The following MLLT10 variants were observed in gnomAD, a reference collection of about 807,000 sequenced individuals.
MLLT10 encodes the protein protein AF-10.
MLLT10 carries 30 observed loss-of-function variants against 129.1 expected under a neutral mutation model. The observed-to-expected ratio is 0.23, with a 90% CI of 0.17 to 0.32. The LOEUF (loss-of-function observed/expected upper bound fraction) is 0.32, where lower values mean the gene tolerates loss of function less well. Ranked by LOEUF, MLLT10 falls within the 10% of genes least tolerant of loss-of-function variation. MLLT10 has a pLI of 1.00. For synonymous variants in MLLT10, 490 were observed against 446.4 expected (o/e 1.10, Z -1.23); for missense variants, 1,119 against 1,268.3 (o/e 0.88, Z 1.79).
intron 3 of MLLT10, among the ~76,000 whole-genome samples, chr10:21,575,294 C>T (rs762423068): frequency 7.9e-5 from 12 of 152,016 alleles, no homozygotes; most frequent in Admixed American, 1.3e-4. Flanking sequence ...CGGGTTCAAG[C>T]GATTCTCCTG....
At chr10:21,685,130 A>G (rs1405021148) in intron 13 of MLLT10, among the ~76,000 whole-genome samples, 1 of 152,036 alleles carries the variant, frequency 6.6e-6, no homozygotes, top group Non-Finnish European at 1.5e-5. Flanking sequence ...TTTGTGAAAT[A>G]TATCTTAGTC....
At chr10:21,580,537 C>T (rs938998167) in intron 3 of MLLT10, among the ~76,000 whole-genome samples, 10 of 151,796 alleles carry the variant, frequency 6.6e-5, no homozygotes, top group Admixed American at 2.0e-4. Flanking sequence ...TACAGGCGCC[C>T]GCCACCACGC....
chr10:21,633,253 C>G (rs2047162951), intron 8 of MLLT10, among the ~76,000 whole-genome samples: 1 of 152,178 alleles, frequency 6.6e-6, no homozygotes, highest in South Asian at 2.1e-4. Context: ...TAACTGAAAA[C>G]CTGGTTGTTT....
At chr10:21,737,803 G>T (rs147997393) in intron 21 of MLLT10, among the ~76,000 whole-genome samples, 1 of 152,242 alleles carries the variant, frequency 6.6e-6, no homozygotes, top group East Asian at 1.9e-4. Flanking sequence ...GCTGCTTGGA[G>T]AATGCATTGC....
intron 13 of MLLT10, among the ~76,000 whole-genome samples, chr10:21,706,744 A>G (rs1240026046): frequency 6.6e-6 from 1 of 152,124 alleles, no homozygotes; most frequent in Non-Finnish European, 1.5e-5. Context: ...TTATTTACCA[A>G]TCTTGTGTAA....
intron 5 of MLLT10, among the ~76,000 whole-genome samples, chr10:21,600,034 T>C (rs571456695): frequency 1.6e-4 from 25 of 152,350 alleles, no homozygotes; most frequent in African/African-American, 5.5e-4. Context: ...AGTCAACTTT[T>C]TCAACACTAT....
chr10:21,601,990 A>C (rs1438940584), intron 5 of MLLT10, among the ~76,000 whole-genome samples: 1 of 152,236 alleles, frequency 6.6e-6, no homozygotes, highest in Non-Finnish European at 1.5e-5. Context: ...GCTGGGCAAC[A>C]TGGTATTAAA....
chr10:21,587,351 C>T (rs944775425), intron 4 of MLLT10, among the ~76,000 whole-genome samples: 2 of 144,534 alleles, frequency 1.4e-5, no homozygotes, highest in African/African-American at 2.6e-5. Flanking sequence ...TCTGGGAGGT[C>T]GAGGCTGCAA....
chr10:21,566,500 A>G (rs766274650), intron 3 of MLLT10, among the ~76,000 whole-genome samples: 19 of 145,832 alleles, frequency 1.3e-4, no homozygotes, highest in Non-Finnish European at 2.9e-4. Flanking sequence ...GCTAATTTTT[A>G]TATTTTTAGT....
intron 13 of MLLT10, among the ~76,000 whole-genome samples, chr10:21,701,882 C>T (rs1212723639): frequency 1.3e-5 from 2 of 151,944 alleles, no homozygotes; most frequent in South Asian, 2.1e-4. Context: ...AGCCACCGCA[C>T]CTGGTTATGT....
Position 21,726,436 on chromosome 10 carries a change from G to A in MLLT10, c.1990+81G>A. ...TTTCCCCTTTTGGTTCATTTTATTT[G>A]AAAACATGCAGGGATGTGGTTAGTA... On this transcript the variant is annotated intron_variant, in intron 15 of 22. Coordinates refer to ENST00000307729, the MANE Select transcript of MLLT10 (RefSeq NM_001195626.3). 8 of 956,094 alleles carry A rather than the reference G, an allele frequency of 8.4e-6. No homozygotes were observed. The South Asian group carries it at 1.2e-4, about 15-fold the overall frequency. The allele number at this position is 956,094 out of a possible 1,614,324, so 59.2% of individuals were successfully genotyped here.
intron 8 of MLLT10, chr10:21,625,060 T>A (rs1564530341): frequency 2.3e-6 from 2 of 864,538 alleles, no homozygotes; most frequent in Non-Finnish European, 3.8e-6. Flanking sequence ...GATGTGGTAA[T>A]CATAACTGTA....
intron 14 of MLLT10, among the ~76,000 whole-genome samples, chr10:21,722,551 A>G (rs142145939): frequency 1.2e-4 from 18 of 152,232 alleles, no homozygotes; most frequent in Admixed American, 4.6e-4. Context: ...TTGGGTTAAC[A>G]TGGACTTTCT....
intron 8 of MLLT10, among the ~76,000 whole-genome samples, chr10:21,628,507 C>T (rs1485998113): frequency 7.0e-6 from 1 of 142,998 alleles, no homozygotes; most frequent in Admixed American, 7.3e-5. Context: ...GCAATCTTGG[C>T]TCAGACTCAC....
Position 21,673,925 on chromosome 10 carries a change from G to A in MLLT10, c.1621+6G>A. 1 of 1,554,212 alleles carries A rather than the reference G, an allele frequency of 6.4e-7. No homozygotes were observed. Among genetic ancestry groups the A allele is most frequent in the Non-Finnish European group, 8.7e-7 (1 of 1,153,658 alleles). ...CTCATCTCCAGTTGGTTCAGGTAGG[G>A]GTTTGCCTATTATTATTTTTCTCCT... is the stretch of plus-strand genomic sequence containing the variant. On this transcript the variant is annotated splice_donor_region_variant and intron_variant, in intron 11 of 22. Coordinates refer to ENST00000307729, the MANE Select transcript of MLLT10 (RefSeq NM_001195626.3).
At chr10:21,621,160 T>A (rs1440746321) in intron 8 of MLLT10, among the ~76,000 whole-genome samples, 2 of 128,286 alleles carry the variant, frequency 1.6e-5, no homozygotes, top group Middle Eastern at 3.9e-3. Context: ...ATTTTTTGTA[T>A]TTTTTTTTTT....
At chr10:21,573,397 A>G (rs1163341601) in intron 3 of MLLT10, among the ~76,000 whole-genome samples, 2 of 152,188 alleles carry the variant, frequency 1.3e-5, no homozygotes, top group African/African-American at 4.8e-5. Context: ...CCCAAGAGGA[A>G]TAGTCATGCC....
intron 3 of MLLT10, among the ~76,000 whole-genome samples, chr10:21,558,013 G>T (rs1481806272): frequency 1.4e-5 from 2 of 141,124 alleles, no homozygotes; most frequent in Non-Finnish European, 3.0e-5. Context: ...ACAGTGGTGC[G>T]ATCTGGGCTC....
At chr10:21,581,528 A>T (rs1300101940) in intron 3 of MLLT10, among the ~76,000 whole-genome samples, 3 of 151,274 alleles carry the variant, frequency 2.0e-5, no homozygotes, top group Non-Finnish European at 4.4e-5. Context: ...TACACTACTG[A>T]TAGGGTTTGG....
Sources: gnomAD v4.1 joint callset for allele counts (sites outside exome capture counted in the v4.1 genomes callset) on GRCh38, gnomAD v4.1.1 for gene constraint, MANE v1.5 for transcripts, NCBI Gene and HGNC (gene_info 2026-07-23, HGNC 2026-07-21) for gene names.